Variants in LITAF observed in about 807,000 individuals in gnomAD.
The protein encoded by LITAF is lipopolysaccharide induced TNF factor.
A neutral mutation model predicts 14.5 loss-of-function variants in LITAF; 9 were observed. That is an observed-to-expected ratio of 0.62 (90% CI 0.37 to 1.08). The LOEUF (loss-of-function observed/expected upper bound fraction) is 1.08, where lower values mean the gene tolerates loss of function less well. Among genes scored for constraint, LITAF ranks in the 50% least tolerant of loss-of-function variants. The pLI is 0.01. For missense variants in LITAF, 206 were observed against 213.4 expected, an observed-to-expected ratio of 0.97 and a Z score of 0.22; for synonymous variants, 98 against 88.2, an observed-to-expected ratio of 1.11 and a Z score of -0.62.
chr16:11,596,502 A>AC (rs2064888108), intron 1 of LITAF, among the ~76,000 whole-genome samples: 1 of 49,052 alleles, frequency 2.0e-5, no homozygotes, highest in Non-Finnish European at 3.7e-5. Context: ...GGGAGGGGGG[A>AC]AGGGGAGGAG....
At chr16:11,571,187 C>G (rs921952171) in intron 1 of LITAF, among the ~76,000 whole-genome samples, 1 of 152,138 alleles carries the variant, frequency 6.6e-6, no homozygotes, top group African/African-American at 2.4e-5. Context: ...CCTGCCCCAG[C>G]CTTCTGAGTA....
chr16:11,588,857 T>C (rs180732746), upstream of LITAF, among the ~76,000 whole-genome samples: 1 of 150,176 alleles, frequency 6.7e-6, no homozygotes, highest in East Asian at 2.0e-4. Context: ...CCTTTTCTCC[T>C]TCCTTCCTTC....
intron 3 of LITAF, among the ~76,000 whole-genome samples, chr16:11,633,032 C>T (rs1460184181): frequency 6.6e-6 from 1 of 152,202 alleles, no homozygotes; most frequent in East Asian, 1.9e-4. Flanking sequence ...GGAGGCCCTA[C>T]TTTGGGGCCT....
rs1469038526 is a variant in LITAF, at chr16:11,586,416, C to T, written c.-6+470G>A. 2.0e-5 allele frequency: 3 copies of T among 152,330 alleles called. No individual in the cohort carries two copies. In the East Asian group the frequency reaches 5.8e-4, roughly 29 times the overall value. The allele number at this position is 152,330 out of a possible 1,614,324, so 9.4% of individuals were successfully genotyped here. On this transcript the variant is annotated intron_variant, in intron 1 of 3. Transcript: ENST00000622633. This position sits in a 1 kb window ranked among gnomAD's most constrained non-coding sequence, Gnocchi z 6.5. ...TAGAAGTCAAATGTTTGGCAAATAG[C>T]ATTTGGGAATTCGTTGGGGTTTTTT...
At chr16:11,599,608 C>A (rs906693598), upstream of LITAF, among the ~76,000 whole-genome samples, 1 of 152,276 alleles carries the variant, frequency 6.6e-6, no homozygotes, top group South Asian at 2.1e-4. Context: ...ACAAACCACC[C>A]CCTACCTGAG....
At chr16:11,584,162 A>G (rs929652978) in intron 1 of LITAF, 5 of 152,232 alleles carry the variant, frequency 3.3e-5, no homozygotes, top group Non-Finnish European at 7.3e-5. Flanking sequence ...TGTGCTAAAG[A>G]AACACAGAAC....
chr16:11,588,725 C>T (rs147922489), upstream of LITAF, among the ~76,000 whole-genome samples: 210 of 152,194 alleles, frequency 1.4e-3, no homozygotes, highest in African/African-American at 4.8e-3. Flanking sequence ...GACAGAATAT[C>T]ACAGACCATT....
chr16:11,551,647 C>A, intron 3 of LITAF: 1 of 585,474 alleles, frequency 1.7e-6, no homozygotes, highest in South Asian at 2.0e-5. Flanking sequence ...ATAGTAAAAC[C>A]CCTGCTTCCA....
chr16:11,623,616 CA>C (rs1210223664), intron 3 of LITAF, among the ~76,000 whole-genome samples: 1 of 150,722 alleles, frequency 6.6e-6, no homozygotes, highest in Non-Finnish European at 1.5e-5. Flanking sequence ...GCTGAGATCA[CA>C]ACCTTGCACT....
chr16:11,555,338 T>C (rs930595355), intron 2 of LITAF, among the ~76,000 whole-genome samples: 8 of 152,304 alleles, frequency 5.3e-5, no homozygotes, highest in African/African-American at 1.9e-4. Context: ...TCATACATTT[T>C]ATTAAGTGTT....
intron 1 of LITAF, among the ~76,000 whole-genome samples, chr16:11,577,867 G>A (rs1379297754): frequency 6.6e-6 from 1 of 151,346 alleles, no homozygotes; most frequent in Non-Finnish European, 1.5e-5. Context: ...TGTGACTGCA[G>A]GTGTGCATCA....
In LITAF at chr16:11,609,015, T is replaced by C. The variant is rs531065223; in HGVS notation, c.85+24518A>G. 9.1e-4 allele frequency among the ~76,000 whole-genome samples: 137 copies of C among 150,568 alleles called. 2 individuals carry two copies. The highest frequency in any genetic ancestry group is 9.0e-4 in the Non-Finnish European group (61 of 67,772). ...CGCACCGAGTATACAGTTCCATTGA[T>C]GTGAAATGTCCAGAACAGGCAAATT... On this transcript the variant is annotated intron_variant, in intron 3 of 3. Coordinates refer to the LITAF transcript ENST00000574848.
intron 1 of LITAF, among the ~76,000 whole-genome samples, chr16:11,592,295 G>A (rs574945817): frequency 1.1e-4 from 16 of 152,182 alleles, no homozygotes; most frequent in Non-Finnish European, 2.4e-4. Context: ...GGGCACTGGG[G>A]CTGGGTGCGG....
intron 1 of LITAF, among the ~76,000 whole-genome samples, chr16:11,557,540 C>T (rs142537923): frequency 1.8e-3 from 273 of 152,272 alleles, no homozygotes; most frequent in African/African-American, 6.4e-3. Context: ...GCCTCCACCA[C>T]CCAGGCTCAG....
At chr16:11,612,334 A>C (rs967607841) in intron 3 of LITAF, among the ~76,000 whole-genome samples, 1 of 152,134 alleles carries the variant, frequency 6.6e-6, no homozygotes, top group African/African-American at 2.4e-5. Context: ...CACCGTCCTC[A>C]TCATTCTTGT....
intron 1 of LITAF, among the ~76,000 whole-genome samples, chr16:11,572,634 G>C (rs1328456301): frequency 6.6e-6 from 1 of 152,192 alleles, no homozygotes; most frequent in African/African-American, 2.4e-5. Flanking sequence ...AGGGCATCAG[G>C]CCAGCACTCC....
chr16:11,601,236 T>A (rs181328589), upstream of LITAF, among the ~76,000 whole-genome samples: 3 of 151,264 alleles, frequency 2.0e-5, no homozygotes, highest in East Asian at 5.9e-4. Flanking sequence ...ATCAGACAAA[T>A]AAAACCGCCT....
Position 11,549,562 on chromosome 16 carries a change from C to T in LITAF, c.*75G>A, listed in dbSNP as rs1232985155. On this transcript the variant is annotated 3_prime_UTR_variant, in exon 4 of 4. Coordinates refer to ENST00000622633, the MANE Select transcript of LITAF (RefSeq NM_001136472.2). The surrounding 1 kb of genome is among the most constrained non-coding windows in gnomAD (Gnocchi z 4.6). Reference sequence around the variant, plus strand: ...GGTGAGACCACCAGGGCAGAACCTCCACCAGGCGTGAAGCTGGATGAGAGG... The same window carrying T: ...GGTGAGACCACCAGGGCAGAACCTCTACCAGGCGTGAAGCTGGATGAGAGG... 3 of 1,125,734 alleles carry T rather than the reference C, an allele frequency of 2.7e-6. No homozygotes were observed. The highest frequency in any genetic ancestry group is 1.9e-4 in the Middle Eastern group (1 of 5,162). The allele number at this position is 1,125,734 out of a possible 1,614,324, so 69.7% of individuals were successfully genotyped here. A position where few individuals can be genotyped will look rare whatever the true frequency, so the allele number is the denominator to read the frequency against.
chr16:11,633,965 A>C (rs2065128846), intron 2 of LITAF, among the ~76,000 whole-genome samples: 1 of 152,324 alleles, frequency 6.6e-6, no homozygotes, highest in African/African-American at 2.4e-5. Flanking sequence ...GGAACATAGG[A>C]AGTGCCACAT....
Sources: allele counts gnomAD v4.1 joint callset (sites outside exome capture counted in the v4.1 genomes callset), GRCh38; gene constraint gnomAD v4.1.1; non-coding constraint Gnocchi (gnomAD v3.1); transcripts MANE v1.5; gene names NCBI Gene and HGNC (gene_info 2026-07-23, HGNC 2026-07-21).